Variants in RMC1 observed in about 807,000 individuals in gnomAD.
RMC1 encodes the protein regulator of MON1-CCZ1, also known as regulator of MON1-CCZ1 complex.
In RMC1, 44 loss-of-function variants were observed where a neutral mutation model predicts 95.5. The ratio of observed to expected loss-of-function variants is 0.46; its 90% CI spans 0.36 to 0.59. The LOEUF is 0.59. RMC1 is among the 20% of genes least tolerant of loss of function. The pLI, the probability that RMC1 is intolerant of heterozygous loss-of-function variation, is 0.00. For synonymous variants in RMC1, 320 were observed against 303.6 expected, an observed-to-expected ratio of 1.05 and a Z score of -0.56; for missense variants, 705 against 819.6, an observed-to-expected ratio of 0.86 and a Z score of 1.71.
At chr18:23,527,027 T>C (rs2058317192) in intron 13 of RMC1, among the ~76,000 whole-genome samples, 3 of 152,142 alleles carry the variant, frequency 2.0e-5, no homozygotes. Flanking sequence ...CCACCACCCC[T>C]GGCCTTCACA....
At position 23,524,134 on chromosome 18, in the gene RMC1, T is replaced by C; in HGVS notation, c.966T>C (p.Pro322=). ...TTATGTTTTCTCAATTTGTAGGTCCTGCTGCCGTGACCAGCCAGTCTCCTG... is the reference window on the plus strand; with the variant it reads ...TTATGTTTTCTCAATTTGTAGGTCCCGCTGCCGTGACCAGCCAGTCTCCTG... ...IQPYQIPITG[P]AAVTSQSPVP... Residue 322 remains proline, a synonymous_variant, in exon 11 of 20, where the codon CCT becomes CCC. Coordinates refer to ENST00000269221, the MANE Select transcript of RMC1 (RefSeq NM_013326.5). 2 of 1,614,188 alleles carry C rather than the reference T, an allele frequency of 1.2e-6. No individual in the cohort carries two copies. Among genetic ancestry groups the C allele is most frequent in the Middle Eastern group, 1.6e-4 (1 of 6,062 alleles).
chr18:23,504,545 C>T, intron 2 of RMC1, 98 bp downstream of exon 2: 1 of 1,112,532 alleles, frequency 9.0e-7, no homozygotes, highest in Non-Finnish European at 1.4e-6. Flanking sequence ...TTGGTCTGCC[C>T]TAAGAGGCCT....
chr18:23,531,690 C>T lies in RMC1; in HGVS notation c.1960C>T (p.Pro654Ser). 3 of 1,609,324 alleles carry T rather than the reference C, an allele frequency of 1.9e-6. No homozygotes were observed. Among genetic ancestry groups the T allele is most frequent in the Non-Finnish European group, 2.5e-6 (3 of 1,178,942 alleles). The change falls in exon 20 of 20, where the codon CCT (proline) becomes TCT (serine). Residue 654 changes from proline to serine, a missense_variant. Coordinates refer to ENST00000269221, the MANE Select transcript of RMC1 (RefSeq NM_013326.5). Reference sequence around the variant, plus strand: ...TTTTGGAGACCAAGCTCTAATGAGGCCTACAACATTCTGAAATCACTTGCT... The same window carrying T: ...TTTTGGAGACCAAGCTCTAATGAGGTCTACAACATTCTGAAATCACTTGCT... ...QIFGDQALMR[P>S]TTF is the part of the protein sequence containing the mutation.
intron 1 of RMC1, 101 bp from the exon 2 acceptor site, chr18:23,504,270 C>T: frequency 1.1e-6 from 1 of 936,468 alleles, no homozygotes; most frequent in Non-Finnish European, 1.8e-6. Flanking sequence ...TTTAGTTGAA[C>T]CCAGGGTGGT....
Position 23,530,294 on chromosome 18 carries a change from G to A in RMC1, c.1665G>A (p.Leu555=). The change falls in exon 18 of 20, where the codon CTG becomes CTA. Residue 555 remains leucine, a synonymous_variant. Transcript: ENST00000269221. ...CTCATCAGCTATCTCTGGACATGCT[G>A]AAGGTAACTCTGATGTGTGAGGTTT... ...PPAHQLSLDM[L]KRLSTANDEI... is the part of the protein sequence containing the mutation. 1.9e-6 allele frequency: 3 copies of A among 1,614,230 alleles called. No individual in the cohort carries two copies. Among genetic ancestry groups the A allele is most frequent in the Non-Finnish European group, 2.5e-6 (3 of 1,180,034 alleles).
intron 2 of RMC1, among the ~76,000 whole-genome samples, chr18:23,505,738 G>A (rs1355585387): frequency 1.3e-5 from 2 of 152,160 alleles, no homozygotes; most frequent in Non-Finnish European, 2.9e-5. Flanking sequence ...AGGCAATCAA[G>A]GGATACTTAG....
At chr18:23,529,495 G>C in intron 15 of RMC1, 140 bp from the exon 16 acceptor site, 5 of 1,243,134 alleles carry the variant, frequency 4.0e-6, no homozygotes, top group Non-Finnish European at 5.7e-6. Flanking sequence ...GGTGGTTCTG[G>C]AGCGATGTGT....
At chr18:23,517,235 C>T (rs868612500) in intron 7 of RMC1, among the ~76,000 whole-genome samples, 3 of 151,940 alleles carry the variant, frequency 2.0e-5, no homozygotes, top group African/African-American at 2.4e-5. Flanking sequence ...CTGCAACCTC[C>T]GCCTCCCAGG....
At chr18:23,521,133 G>T (rs944891100) in intron 10 of RMC1, among the ~76,000 whole-genome samples, 1 of 152,190 alleles carries the variant, frequency 6.6e-6, no homozygotes. Flanking sequence ...AGGATTACAA[G>T]TGTGAGCCAC....
intron 5 of RMC1, among the ~76,000 whole-genome samples, chr18:23,513,188 A>G (rs1258424482): frequency 6.6e-6 from 1 of 152,180 alleles, no homozygotes; most frequent in African/African-American, 2.4e-5. Flanking sequence ...TCCTGACTTC[A>G]GGTGATCCAC....
chr18:23,517,773 A>G (rs934188807), intron 7 of RMC1, among the ~76,000 whole-genome samples: 7 of 151,854 alleles, frequency 4.6e-5, no homozygotes, highest in Non-Finnish European at 8.8e-5. Context: ...GCTGGAGTGC[A>G]GTGTTACAAT....
At chr18:23,512,249 G>A (rs1233581517) in intron 5 of RMC1, among the ~76,000 whole-genome samples, 2 of 151,936 alleles carry the variant, frequency 1.3e-5, no homozygotes, top group East Asian at 1.9e-4. Flanking sequence ...TTGAACCCCT[G>A]GCCTCAAATA....
intron 15 of RMC1, 104 bp downstream of exon 15, chr18:23,529,402 G>T: frequency 6.8e-7 from 1 of 1,465,482 alleles, no homozygotes; most frequent in Non-Finnish European, 9.0e-7. Context: ...GAAGTGATTA[G>T]AATCACTGGA....
At chr18:23,531,428 C>T in intron 19 of RMC1, 197 bp from the exon 20 acceptor site, 1 of 1,148,736 alleles carries the variant, frequency 8.7e-7, no homozygotes, top group Non-Finnish European at 1.2e-6. Flanking sequence ...ACCATAAGGA[C>T]AGGTTAGATA....
intron 12 of RMC1, among the ~76,000 whole-genome samples, chr18:23,524,927 T>C (rs2145247480): frequency 6.6e-6 from 1 of 150,896 alleles, no homozygotes; most frequent in South Asian, 2.1e-4. Flanking sequence ...GGGTAATCTC[T>C]TTATTAGAGA....
chr18:23,529,836 T>C lies in RMC1; in HGVS notation c.1494+124T>C. The C allele has an allele frequency of 2.7e-6, 3 of 1,098,876 alleles. No homozygotes were observed. The East Asian group carries it at 7.1e-5, about 26-fold the overall frequency. 68.1% of individuals were successfully genotyped at this position (1,098,876 alleles called of 1,614,324 possible). On this transcript the variant is annotated intron_variant, in intron 16 of 19. Coordinates refer to ENST00000269221, the MANE Select transcript of RMC1 (RefSeq NM_013326.5). Reference sequence around the variant, plus strand: ...TGCCTCCCTGACTCAGAATGCTGAGTGACTCCTGACATTATTAGTTGGAAT... The same window carrying C: ...TGCCTCCCTGACTCAGAATGCTGAGCGACTCCTGACATTATTAGTTGGAAT...
At chr18:23,507,936 T>C in intron 3 of RMC1, 49 bp from the exon 4 acceptor site, 1 of 1,569,208 alleles carries the variant, frequency 6.4e-7, no homozygotes, top group Non-Finnish European at 8.7e-7. Context: ...AGGTTGGCAG[T>C]ATGCTGCCTA....
Position 23,518,894 on chromosome 18 carries a change from G to A in RMC1, c.658G>A (p.Gly220Arg), listed in dbSNP as rs755828006. The change falls in exon 8 of 20, where the codon GGG becomes AGG. Residue 220 changes from glycine to arginine, a missense_variant. Gly to Arg is a moderately radical substitution (Grantham distance 125, BLOSUM62 -2). Transcript: ENST00000269221. ...GTCTGTTTGTTCCCTAATTAGATAC[G>A]GGCAGCTGTATGTTCTCTTCTTGAG... The part of the protein sequence containing the change: ...ERDIAMATIY[G>R]QLYVLFLRHH... 1.4e-5 allele frequency: 23 copies of A among 1,613,948 alleles called. No individual in the cohort carries two copies. Among genetic ancestry groups the A allele is most frequent in the Middle Eastern group, 1.7e-4 (1 of 6,058 alleles).
At chr18:23,516,253 C>A in intron 6 of RMC1, 67 bp from the exon 7 acceptor site, 1 of 1,544,156 alleles carries the variant, frequency 6.5e-7, no homozygotes, top group Non-Finnish European at 9.0e-7. Context: ...GTTGGTTTTA[C>A]ACAGGGAATG....
Sources: allele counts gnomAD v4.1 joint callset (sites outside exome capture counted in the v4.1 genomes callset), GRCh38; gene constraint gnomAD v4.1.1; transcripts MANE v1.5; gene names NCBI Gene and HGNC (gene_info 2026-07-23, HGNC 2026-07-21).